Variants in STXBP5 observed in about 807,000 individuals in gnomAD.
The protein encoded by STXBP5 is syntaxin-binding protein 5.
Under a neutral mutation model 152.4 loss-of-function variants are expected in STXBP5, and 50 were observed. The ratio of observed to expected loss-of-function variants is 0.33; its 90% CI spans 0.26 to 0.42. The LOEUF (loss-of-function observed/expected upper bound fraction) is 0.42. Among genes scored for constraint, STXBP5 ranks in the 10% least tolerant of loss-of-function variants. STXBP5 has a pLI of 1.00. For missense variants in STXBP5, 1,167 were observed against 1,388.6 expected (o/e 0.84, Z 2.54); for synonymous variants, 492 against 494.7 (o/e 0.99, Z 0.07).
At chr6:147,305,841 C>T (rs576413671) in intron 9 of STXBP5, among the ~76,000 whole-genome samples, 26 of 152,032 alleles carry the variant, frequency 1.7e-4, no homozygotes, top group Non-Finnish European at 3.4e-4. Flanking sequence ...TATAATTCTG[C>T]TTACCAAACA....
At chr6:147,323,452 T>C (rs1261169488) in intron 16 of STXBP5, among the ~76,000 whole-genome samples, 1 of 151,740 alleles carries the variant, frequency 6.6e-6, no homozygotes, top group East Asian at 1.9e-4. Flanking sequence ...AGTGCAGTGG[T>C]GCCATCTCAG....
chr6:147,238,716 C>A (rs1778397578), intron 3 of STXBP5, among the ~76,000 whole-genome samples: 1 of 152,100 alleles, frequency 6.6e-6, no homozygotes, highest in African/African-American at 2.4e-5. Context: ...TTTTCCGTAC[C>A]ATTCTAGTAG....
In STXBP5 at chr6:147,316,385, C is replaced by A; in HGVS notation, c.1780C>A (p.Arg594Ser). 1.3e-6 allele frequency: 2 copies of A among 1,565,782 alleles called. No individual in the cohort carries two copies. ...CAGTAGCAGTTCATCTGATGGGCTT[C>A]GTGATAATGTACCTTGTTTAAAGTA... ...STSSSSSDGLRDNVPCLKVKN... is the reference protein window; with the variant it reads ...STSSSSSDGLSDNVPCLKVKN... The change falls in exon 16 of 28, where the codon CGT becomes AGT. Residue 594 changes from arginine to serine, a missense_variant. Physicochemically the swap from Arg to Ser is moderately radical, Grantham distance 110. This residue lies in a region of STXBP5 where 833 missense variants were observed against 986.3 expected (regional missense o/e 0.84). Coordinates refer to ENST00000321680, the MANE Select transcript of STXBP5 (RefSeq NM_001127715.4).
At position 147,311,524 on chromosome 6, in the gene STXBP5, A is replaced by G. The variant is rs1477633199; in HGVS notation, c.1142A>G (p.Asn381Ser). 1 of 1,609,084 alleles carries G rather than the reference A, an allele frequency of 6.2e-7. No homozygotes were observed. Among genetic ancestry groups the G allele is most frequent in the Non-Finnish European group, 8.5e-7 (1 of 1,177,392 alleles). ...TTAGTACTTATAGACCTTGCACAAA[A>G]TGGGTAAGAAATAAAATTTGGTGAG... The part of the protein sequence containing the change: ...KDLVLIDLAQ[N>S]GYPIFENPYP... The change falls in exon 11 of 28, where the codon AAT becomes AGT. Residue 381 changes from asparagine (N) to serine (S), a missense_variant. Coordinates refer to ENST00000321680, the MANE Select transcript of STXBP5 (RefSeq NM_001127715.4).
At chr6:147,269,656 G>A (rs563799690) in intron 7 of STXBP5, among the ~76,000 whole-genome samples, 1 of 152,164 alleles carries the variant, frequency 6.6e-6, no homozygotes, top group Non-Finnish European at 1.5e-5. Context: ...GTTGAAAAAA[G>A]ACATGGAAGG....
At chr6:147,335,686 G>T (rs1043999066) in intron 19 of STXBP5, among the ~76,000 whole-genome samples, 4 of 152,112 alleles carry the variant, frequency 2.6e-5, no homozygotes, top group Admixed American at 6.5e-5. Context: ...TGTAGTCCCA[G>T]CTACTCGGGA....
intron 16 of STXBP5, among the ~76,000 whole-genome samples, chr6:147,322,804 C>G (rs1783004245): frequency 6.6e-6 from 1 of 152,144 alleles, no homozygotes; most frequent in Non-Finnish European, 1.5e-5. Context: ...AAAAAATGTG[C>G]CTTTCAAGTA....
chr6:147,367,434 C>G (rs1477326399), intron 25 of STXBP5, among the ~76,000 whole-genome samples: 1 of 151,970 alleles, frequency 6.6e-6, no homozygotes, highest in South Asian at 2.1e-4. Context: ...GTCAGGAGAT[C>G]GAGACCATCC....
intron 25 of STXBP5, among the ~76,000 whole-genome samples, chr6:147,370,994 C>G (rs1235522963): frequency 6.6e-6 from 1 of 151,992 alleles, no homozygotes; most frequent in African/African-American, 2.4e-5. Context: ...CTAAATTTTA[C>G]CATTCTAACC....
chr6:147,366,757 A>T (rs889501786), intron 25 of STXBP5, among the ~76,000 whole-genome samples: 1 of 152,218 alleles, frequency 6.6e-6, no homozygotes, highest in African/African-American at 2.4e-5. Flanking sequence ...TTGTTGGTCC[A>T]GAGATTAGGA....
At chr6:147,353,877 T>C (rs923115010) in intron 22 of STXBP5, among the ~76,000 whole-genome samples, 1 of 152,212 alleles carries the variant, frequency 6.6e-6, no homozygotes, top group African/African-American at 2.4e-5. Flanking sequence ...GCAATTCATT[T>C]ATTATGAAAG....
Position 147,316,386 on chromosome 6 carries a change from G to T in STXBP5, c.1781G>T (p.Arg594Leu), listed in dbSNP as rs369192295. ...STSSSSSDGL[R>L]DNVPCLKVKN... ...AGTAGCAGTTCATCTGATGGGCTTC[G>T]TGATAATGTACCTTGTTTAAAGTAA... The change falls in exon 16 of 28, where the codon CGT becomes CTT. Residue 594 changes from arginine to leucine, a missense_variant. By Grantham distance (102) the Arg-to-Leu change is moderately radical (BLOSUM62 -2). Transcript: ENST00000321680. The T allele has an allele frequency of 5.1e-5, 80 of 1,567,108 alleles. No homozygotes were observed. Among genetic ancestry groups the T allele is most frequent in the Non-Finnish European group, 6.5e-5 (75 of 1,161,646 alleles).
At chr6:147,305,442 G>T (rs1279178842) in intron 9 of STXBP5, among the ~76,000 whole-genome samples, 1 of 151,798 alleles carries the variant, frequency 6.6e-6, no homozygotes, top group Non-Finnish European at 1.5e-5. Flanking sequence ...ATTTTGATTT[G>T]GTAGATTAAA....
chr6:147,205,901 T>C (rs1002107933), intron 1 of STXBP5, 70 bp from the exon 2 acceptor site: 1 of 1,180,640 alleles, frequency 8.5e-7, no homozygotes, highest in Non-Finnish European at 1.3e-6. Flanking sequence ...TTCTAACGCC[T>C]CTATTGACTT....
At chr6:147,249,846 C>A (rs186228221) in intron 4 of STXBP5, among the ~76,000 whole-genome samples, 35 of 152,294 alleles carry the variant, frequency 2.3e-4, no homozygotes, top group African/African-American at 8.2e-4. Flanking sequence ...AAGAGATTAA[C>A]AGTGTACCCC....
At chr6:147,338,301 A>G (rs1350002152) in intron 19 of STXBP5, among the ~76,000 whole-genome samples, 2 of 152,088 alleles carry the variant, frequency 1.3e-5, no homozygotes, top group Non-Finnish European at 2.9e-5. Context: ...TTAAGTGGTT[A>G]GCATCATATG....
At chr6:147,370,483 G>C (rs1041343860) in intron 25 of STXBP5, among the ~76,000 whole-genome samples, 1 of 152,058 alleles carries the variant, frequency 6.6e-6, no homozygotes, top group African/African-American at 2.4e-5. Context: ...TCAATGGTAT[G>C]TTTATAGATT....
rs760465930 is a variant in STXBP5, at chr6:147,204,728, GGTT to G, written c.150+50_150+52del. The G allele has an allele frequency of 7.9e-6, 12 of 1,520,086 alleles. No individual in the cohort carries two copies. Among genetic ancestry groups the G allele is most frequent in the South Asian group, 5.1e-5 (4 of 79,160 alleles). The allele number at this position is 1,520,086 out of a possible 1,614,324, so 94.2% of individuals were successfully genotyped here. A position where few individuals can be genotyped will look rare whatever the true frequency, so the allele number is the denominator to read the frequency against. ...CGCGACACCGTCATTGAAAAATTGG[GGTT>G]GTTTTAAGGGGGCTACTCGGGCTTT... On this transcript the variant is annotated intron_variant, in intron 1 of 27. Transcript: ENST00000321680. This position sits in a 1 kb window ranked among gnomAD's most constrained non-coding sequence, Gnocchi z 4.3.
intron 4 of STXBP5, among the ~76,000 whole-genome samples, chr6:147,257,360 A>C (rs1297353550): frequency 6.6e-6 from 1 of 151,898 alleles, no homozygotes; most frequent in Non-Finnish European, 1.5e-5. Flanking sequence ...TTATAATATT[A>C]AAATAAATAA....
Sources: allele counts gnomAD v4.1 joint callset (sites outside exome capture counted in the v4.1 genomes callset), GRCh38; gene constraint gnomAD v4.1.1; regional missense constraint gnomAD v4.1.1; non-coding constraint Gnocchi (gnomAD v3.1); transcripts MANE v1.5; gene names NCBI Gene and HGNC (gene_info 2026-07-23, HGNC 2026-07-21).